The following LRIG1 variants were observed in gnomAD, a reference collection of about 807,000 sequenced individuals.
LRIG1 encodes the protein leucine-rich repeats and immunoglobulin-like domains protein 1.
LRIG1 carries 48 observed loss-of-function variants against 99.2 expected under a neutral mutation model. The ratio of observed to expected loss-of-function variants is 0.48; its 90% CI spans 0.38 to 0.62. The LOEUF is 0.62. Ranked by LOEUF, LRIG1 falls within the 20% of genes least tolerant of loss-of-function variation. The pLI is 0.00. For missense variants in LRIG1, 1,646 were observed against 1,434.4 expected (o/e 1.15, Z -2.38); for synonymous variants, 772 against 596.1 (o/e 1.29, Z -4.30).
At chr3:66,417,100 G>A in intron 4 of LRIG1, 29 bp downstream of exon 4, 1 of 1,609,700 alleles carries the variant, frequency 6.2e-7, no homozygotes, top group Non-Finnish European at 8.5e-7. Flanking sequence ...CAGCGGGCCA[G>A]CCACAGGTGG....
intron 1 of LRIG1, among the ~76,000 whole-genome samples, chr3:66,465,282 G>A (rs986822580): frequency 6.6e-6 from 1 of 151,386 alleles, no homozygotes; most frequent in Non-Finnish European, 1.5e-5. Flanking sequence ...TTCTCCCCAG[G>A]AACTACAATA....
chr3:66,459,607 C>G (rs1480408104), intron 2 of LRIG1, among the ~76,000 whole-genome samples: 2 of 152,224 alleles, frequency 1.3e-5, no homozygotes, highest in Non-Finnish European at 2.9e-5. Context: ...TTACTCTGTT[C>G]TATTTCCCCC....
intron 8 of LRIG1, chr3:66,405,738 T>G: frequency 8.9e-7 from 1 of 1,119,162 alleles, no homozygotes; most frequent in Non-Finnish European, 1.1e-6. Context: ...GGCCGGCCCG[T>G]GGGCGCCTCC....
intron 3 of LRIG1, among the ~76,000 whole-genome samples, chr3:66,434,532 A>C (rs3965156): frequency 0.41 from 61,767 of 151,896 alleles, 14,317 homozygotes; most frequent in Middle Eastern, 0.57. Flanking sequence ...GGATCATTTG[A>C]GGTCAGGAGT....
chr3:66,380,709 A>G lies in LRIG1; in HGVS notation c.2923T>C (p.Ser975Pro). 4 of 1,614,074 alleles carry G rather than the reference A, an allele frequency of 2.5e-6. No individual in the cohort carries two copies. The highest frequency in any genetic ancestry group is 3.4e-6 in the Non-Finnish European group (4 of 1,180,000). ...GTCCTGCTGCACTGGTGATGTGGAGAATGCTCTTGGTCACTCCCACCCGGC... is the reference window on the plus strand; with the variant it reads ...GTCCTGCTGCACTGGTGATGTGGAGGATGCTCTTGGTCACTCCCACCCGGC... ...PEPGGSDQEH[S>P]PHHQCSRTAA... is the part of the protein sequence containing the mutation. Residue 975 changes from serine to proline, a missense_variant, in exon 18 of 19, where the codon TCT (serine) becomes CCT (proline). Physicochemically the swap from Ser to Pro is moderately conservative, Grantham distance 74. Coordinates refer to ENST00000273261, the MANE Select transcript of LRIG1 (RefSeq NM_015541.3).
At chr3:66,473,143 T>C (rs1700642308) in intron 1 of LRIG1, among the ~76,000 whole-genome samples, 1 of 152,240 alleles carries the variant, frequency 6.6e-6, no homozygotes, top group South Asian at 2.1e-4. Flanking sequence ...CTATATGTCC[T>C]ATTTGAAGAA....
chr3:66,498,082 A>G (rs1042508881), intron 1 of LRIG1: 2 of 152,222 alleles, frequency 1.3e-5, no homozygotes, highest in Non-Finnish European at 2.9e-5. Flanking sequence ...GAAATAAGAA[A>G]ACTTCACAAA....
intron 14 of LRIG1, among the ~76,000 whole-genome samples, chr3:66,383,621 G>A (rs1455732024): frequency 6.6e-6 from 1 of 152,124 alleles, no homozygotes; most frequent in East Asian, 1.9e-4. Flanking sequence ...GCTGACAAAA[G>A]CCCCTGCTAT....
At chr3:66,417,771 CAG>C (rs1182632303) in intron 3 of LRIG1, 6 of 149,434 alleles carry the variant, frequency 4.0e-5, no homozygotes, top group Admixed American at 6.7e-5. Context: ...ATACCAGACA[CAG>C]AGGATTTAAA....
At chr3:66,498,070 C>G (rs933296774) in intron 1 of LRIG1, 1 of 152,150 alleles carries the variant, frequency 6.6e-6, no homozygotes, top group Non-Finnish European at 1.5e-5. Context: ...TGTCCTTAAT[C>G]AGAAATAAGA....
At chr3:66,394,896 T>C (rs144624779) in intron 11 of LRIG1, among the ~76,000 whole-genome samples, 2,276 of 152,366 alleles carry the variant, frequency 0.015, 60 homozygotes, top group African/African-American at 0.048. Context: ...TAGTGCTTGT[T>C]AGTTAATTGC....
At chr3:66,478,242 C>T (rs923050484) in intron 1 of LRIG1, among the ~76,000 whole-genome samples, 2 of 152,202 alleles carry the variant, frequency 1.3e-5, no homozygotes, top group Non-Finnish European at 2.9e-5. Context: ...CAACTAATTT[C>T]AGTGCATGTA....
intron 7 of LRIG1, among the ~76,000 whole-genome samples, chr3:66,408,406 A>C (rs766812432): frequency 7.9e-5 from 12 of 152,164 alleles, no homozygotes; most frequent in Non-Finnish European, 1.6e-4. Flanking sequence ...CTGGGAAGCA[A>C]TCCCAAATCT....
intron 8 of LRIG1, chr3:66,406,176 C>A (rs1004382143): frequency 1.0e-6 from 1 of 985,446 alleles, no homozygotes; most frequent in Non-Finnish European, 1.2e-6. Context: ...GAAATGCTGG[C>A]GGTGACCTTT....
intron 2 of LRIG1, among the ~76,000 whole-genome samples, chr3:66,460,000 T>C (rs891869166): frequency 1.3e-5 from 2 of 152,148 alleles, no homozygotes; most frequent in Admixed American, 1.3e-4. Context: ...TTACATTCAT[T>C]TTGACTTTCA....
At chr3:66,433,458 C>G (rs909658908) in intron 3 of LRIG1, among the ~76,000 whole-genome samples, 1 of 152,256 alleles carries the variant, frequency 6.6e-6, no homozygotes, top group Non-Finnish European at 1.5e-5. Flanking sequence ...CACATGCCAG[C>G]TTCCTGACAG....
intron 1 of LRIG1, among the ~76,000 whole-genome samples, chr3:66,496,737 T>TA (rs142673246): frequency 0.035 from 5,281 of 149,738 alleles, 240 homozygotes; most frequent in African/African-American, 0.11. Context: ...CAATCTACTT[T>TA]AAAAAAAAAA....
At chr3:66,424,909 G>A (rs1004947933) in intron 3 of LRIG1, among the ~76,000 whole-genome samples, 10 of 152,240 alleles carry the variant, frequency 6.6e-5, no homozygotes, top group African/African-American at 2.4e-4. Flanking sequence ...CTGCCCAACT[G>A]TGGACTAATA....
chr3:66,386,545 C>G (rs1701385506), intron 12 of LRIG1: 1 of 472,230 alleles, frequency 2.1e-6, no homozygotes, highest in Admixed American at 3.7e-5. Flanking sequence ...TAGAAATTAA[C>G]CCACCACTTC....
Sources: allele counts gnomAD v4.1 joint callset (sites outside exome capture counted in the v4.1 genomes callset), GRCh38; gene constraint gnomAD v4.1.1; transcripts MANE v1.5; gene names NCBI Gene and HGNC (gene_info 2026-07-23, HGNC 2026-07-21).